PRKCD: variants seen among roughly 807,000 people sequenced by gnomAD.
PRKCD encodes the protein protein kinase C delta type.
In PRKCD, 20 loss-of-function variants were observed where a neutral mutation model predicts 82.2. That is an observed-to-expected ratio of 0.24 (90% CI 0.17 to 0.35). The LOEUF is 0.35. Among genes scored for constraint, PRKCD ranks in the 10% least tolerant of loss-of-function variants. The probability of loss-of-function intolerance (pLI) is 1.00; values close to 1 mark genes in which losing one functional copy is unlikely to be tolerated. For missense variants in PRKCD, 607 were observed against 899.0 expected, an observed-to-expected ratio of 0.68 and a Z score of 4.15; for synonymous variants, 317 against 337.0, an observed-to-expected ratio of 0.94 and a Z score of 0.65.
At chr3:53,188,992 G>C in intron 16 of PRKCD, 66 bp from the exon 17 acceptor site, 2 of 1,571,182 alleles carry the variant, frequency 1.3e-6, no homozygotes, top group Non-Finnish European at 1.7e-6. Context: ...TAGGCTTCGT[G>C]CCCAGGGGCC....
At position 53,169,865 on chromosome 3, in the gene PRKCD, G is replaced by A. The variant is rs1370597839; in HGVS notation, c.-20+4650G>A. ...AGTCTGGAAGACACCAGAGCACTTG[G>A]GCCAAGATCGCGGAGCACCCAGGCA... On this transcript the variant is annotated intron_variant, in intron 2 of 18. Coordinates refer to ENST00000330452, the MANE Select transcript of PRKCD (RefSeq NM_006254.4). This position sits in a 1 kb window ranked among gnomAD's most constrained non-coding sequence, Gnocchi z 4.7. Among the ~76,000 whole-genome samples, 1 of 152,170 alleles carries A rather than the reference G, an allele frequency of 6.6e-6. No homozygotes were observed. Among genetic ancestry groups the A allele is most frequent in the African/African-American group, 2.4e-5 (1 of 41,426 alleles).
rs1297758702 is a variant in PRKCD at position 53,192,533 on chromosome 3, A to G, written c.*267A>G. On this transcript the variant is annotated 3_prime_UTR_variant, in exon 19 of 19. Coordinates refer to ENST00000330452, the MANE Select transcript of PRKCD (RefSeq NM_006254.4). The stretch of plus-strand genomic sequence containing the variant: ...TCTATTGAAAATATATATTATATAC[A>G]TAGACATATATATATATATAATAGG... 1.8e-5 allele frequency: 4 copies of G among 223,424 alleles called. No homozygotes were observed. Among genetic ancestry groups the G allele is most frequent in the African/African-American group, 9.6e-5 (4 of 41,868 alleles). 13.8% of individuals were successfully genotyped at this position (223,424 alleles called of 1,614,324 possible).
intron 2 of PRKCD, among the ~76,000 whole-genome samples, chr3:53,173,933 C>T (rs898938405): frequency 3.3e-5 from 5 of 152,132 alleles, no homozygotes; most frequent in Non-Finnish European, 5.9e-5. Flanking sequence ...CCACCTCTAC[C>T]GTCTTCCGTC....
At chr3:53,183,853 G>A (rs1321538433) in intron 9 of PRKCD, among the ~76,000 whole-genome samples, 1 of 152,222 alleles carries the variant, frequency 6.6e-6, no homozygotes, top group Non-Finnish European at 1.5e-5. Context: ...AGGGGCCAGT[G>A]GGCAGAGGGT....
At chr3:53,172,715 G>A (rs1553665185) in intron 2 of PRKCD, among the ~76,000 whole-genome samples, 1 of 152,190 alleles carries the variant, frequency 6.6e-6, no homozygotes, top group African/African-American at 2.4e-5. Context: ...GCTGCAACTG[G>A]TCTTTCATTG....
intron 2 of PRKCD, among the ~76,000 whole-genome samples, chr3:53,175,939 G>A (rs544705322): frequency 1.3e-4 from 20 of 152,318 alleles, no homozygotes; most frequent in Non-Finnish European, 2.8e-4. Context: ...ACATGTGCGA[G>A]GCCAGGCCCA....
intron 15 of PRKCD, 113 bp from the exon 16 acceptor site, chr3:53,188,607 T>C (rs1559631429): frequency 7.3e-7 from 1 of 1,374,848 alleles, no homozygotes; most frequent in East Asian, 2.3e-5. Context: ...CTCATTCCCT[T>C]GTACCCTTGG....
chr3:53,164,314 G>T (rs1247368578), intron 1 of PRKCD, among the ~76,000 whole-genome samples: 2 of 152,214 alleles, frequency 1.3e-5, no homozygotes, highest in African/African-American at 4.8e-5. Flanking sequence ...TCTGGGCACG[G>T]TGGCTCACAC....
At chr3:53,189,684 A>G (rs1553670367) in intron 17 of PRKCD, among the ~76,000 whole-genome samples, 189 bp from the exon 18 acceptor site, 1 of 152,242 alleles carries the variant, frequency 6.6e-6, no homozygotes, top group African/African-American at 2.4e-5. Flanking sequence ...TGTCCAGCCC[A>G]GAGCCTGTCA....
At chr3:53,181,762 T>C (rs782604556) in intron 7 of PRKCD, 30 bp downstream of exon 7, 1 of 1,614,168 alleles carries the variant, frequency 6.2e-7, no homozygotes, top group South Asian at 1.1e-5. Context: ...AGTTTGTACG[T>C]ATGTACCCAT....
At chr3:53,189,274 G>T (rs529281470) in intron 17 of PRKCD, 28 bp downstream of exon 17, 68 of 795,910 alleles carry the variant, frequency 8.5e-5, no homozygotes, top group East Asian at 5.5e-4. Flanking sequence ...GGCTGGGCTG[G>T]TCTGGGCTGG....
Position 53,189,209 on chromosome 3 carries a change from G to A in PRKCD, c.1706G>A (p.Arg569His), listed in dbSNP as rs138712106. The change falls in exon 17 of 19, where the codon CGC becomes CAC. Residue 569 changes from arginine (R) to histidine (H), a missense_variant. This residue lies in a region of PRKCD where 251 missense variants were observed against 423.9 expected (regional missense o/e 0.59). Coordinates refer to ENST00000330452, the MANE Select transcript of PRKCD (RefSeq NM_006254.4). ...SIRVDTPHYP[R>H]WITKESKDIL... The stretch of plus-strand genomic sequence containing the variant: ...CGTGTGGACACGCCACATTATCCCC[G>A]CTGGATCACCAAGGAGTCCAAGGAC... 139 of 1,613,818 alleles carry A rather than the reference G, an allele frequency of 8.6e-5. No homozygotes were observed. Among genetic ancestry groups the A allele is most frequent in the South Asian group, 2.5e-4 (23 of 91,028 alleles).
In PRKCD at chr3:53,181,732, CGTAA is replaced by C; in HGVS notation, c.571+3_571+6del. 6.2e-7 allele frequency: 1 copy of C among 1,614,084 alleles called. No individual in the cohort carries two copies. Among genetic ancestry groups the C allele is most frequent in the Non-Finnish European group, 8.5e-7 (1 of 1,179,956 alleles). On this transcript the variant is annotated splice_donor_variant and splice_donor_region_variant and intron_variant, in intron 7 of 18. Coordinates refer to ENST00000330452, the MANE Select transcript of PRKCD (RefSeq NM_006254.4). LOFTEE classifies it high-confidence loss of function. ...CAACAAGCAAGGCTACAAATGCAGG[CGTAA>C]GTGTCTCCACAGGCCAGTTTGTACG...
In PRKCD at chr3:53,188,974, G is replaced by A. The variant is rs187688950; in HGVS notation, c.1555-84G>A. 6.0e-5 allele frequency: 94 copies of A among 1,569,778 alleles called. No individual in the cohort carries two copies. The East Asian group carries it at 1.6e-3, about 26-fold the overall frequency. On this transcript the variant is annotated intron_variant, in intron 16 of 18. Transcript: ENST00000330452. ...CAAGCCAAAGCCCATAGGCTGAGGC[G>A]GCCTGGCTAGGCTTCGTGCCCAGGG...
chr3:53,174,179 T>G (rs1402789772), intron 2 of PRKCD, among the ~76,000 whole-genome samples: 1 of 152,260 alleles, frequency 6.6e-6, no homozygotes. Context: ...TCTGCGACAT[T>G]GTCGGCCTCA....
intron 15 of PRKCD, among the ~76,000 whole-genome samples, chr3:53,188,150 T>C (rs6797505): frequency 0.95 from 135,165 of 142,506 alleles, 64,461 homozygotes; most frequent in East Asian, 1. Flanking sequence ...ATCATGCCAC[T>C]GCACTCCAGC....
chr3:53,185,297 A>G (rs1303134958), intron 10 of PRKCD, among the ~76,000 whole-genome samples: 1 of 152,186 alleles, frequency 6.6e-6, no homozygotes, highest in East Asian at 1.9e-4. Flanking sequence ...CTAAAGGTAA[A>G]ATTTTAGAAT....
chr3:53,182,554 C>A (rs550388715), intron 7 of PRKCD, among the ~76,000 whole-genome samples: 1 of 152,276 alleles, frequency 6.6e-6, no homozygotes, highest in East Asian at 1.9e-4. Context: ...TAGGCGTGAG[C>A]CATCGTGCCT....
Position 53,185,982 on chromosome 3 carries a change from C to T in PRKCD, c.1041C>T (p.Asn347=). 2 of 1,614,252 alleles carry T rather than the reference C, an allele frequency of 1.2e-6. No individual in the cohort carries two copies. Among genetic ancestry groups the T allele is most frequent in the Non-Finnish European group, 1.7e-6 (2 of 1,180,050 alleles). The change falls in exon 12 of 19, where the codon AAC becomes AAT. Residue 347 remains asparagine, a synonymous_variant. Coordinates refer to ENST00000330452, the MANE Select transcript of PRKCD (RefSeq NM_006254.4). ...AGGGCAGCAGCAAGTGCAACATCAA[C>T]AACTTCATCTTCCACAAGGTCCTGG... ...IWEGSSKCNI[N]NFIFHKVLGK...
Sources: gnomAD v4.1 joint callset for allele counts (sites outside exome capture counted in the v4.1 genomes callset) on GRCh38, gnomAD v4.1.1 for gene constraint, gnomAD v4.1.1 regional missense constraint, Gnocchi (gnomAD v3.1) non-coding constraint, MANE v1.5 for transcripts, NCBI Gene and HGNC (gene_info 2026-07-23, HGNC 2026-07-21) for gene names.